The following SOX5 variants were observed in gnomAD, a reference collection of about 807,000 sequenced individuals.
SOX5 encodes SRY-box transcription factor 5, also known as transcription factor SOX-5.
In SOX5, 9 loss-of-function variants were observed where a neutral mutation model predicts 92.0. That is an observed-to-expected ratio of 0.10 (90% CI 0.06 to 0.17). The LOEUF (loss-of-function observed/expected upper bound fraction) is 0.17, where lower values mean the gene tolerates loss of function less well. SOX5 is among the 10% of genes least tolerant of loss of function. The pLI, the probability that SOX5 is intolerant of heterozygous loss-of-function variation, is 1.00. For missense variants in SOX5, 642 were observed against 944.5 expected (o/e 0.68, Z 4.20); for synonymous variants, 344 against 336.3 (o/e 1.02, Z -0.25).
At chr12:24,359,966 G>A (rs1955345880) in intron 2 of SOX5, among the ~76,000 whole-genome samples, 1 of 152,094 alleles carries the variant, frequency 6.6e-6, no homozygotes, top group Admixed American at 6.5e-5. Context: ...AAAATGAAGA[G>A]GATTAGTGGA....
chr12:23,999,291 C>T (rs1049803917), intron 4 of SOX5, among the ~76,000 whole-genome samples: 1 of 151,744 alleles, frequency 6.6e-6, no homozygotes, highest in African/African-American at 2.4e-5. Context: ...ACTGTGGTTA[C>T]CAATGGTGAA....
intron 4 of SOX5, among the ~76,000 whole-genome samples, chr12:24,133,878 T>G (rs1039975149): frequency 1.3e-5 from 2 of 152,114 alleles, no homozygotes; most frequent in Non-Finnish European, 2.9e-5. Context: ...CATTCTGATA[T>G]ATAGCACACA....
chr12:23,617,179 GAAAAATGTTA>G (rs2076669221), intron 8 of SOX5, among the ~76,000 whole-genome samples: 1 of 150,660 alleles, frequency 6.6e-6, no homozygotes, highest in African/African-American at 2.4e-5. Context: ...GCCATCAGGG[GAAAAATGTTA>G]CCAACTTCAG....
At chr12:24,295,852 C>T (rs373323576) in intron 2 of SOX5, among the ~76,000 whole-genome samples, 4 of 152,062 alleles carry the variant, frequency 2.6e-5, no homozygotes, top group Non-Finnish European at 4.4e-5. Flanking sequence ...CATGAGCCAC[C>T]GCACCTGGCC....
chr12:24,199,653 AAAG>A (rs1224380639), intron 4 of SOX5, among the ~76,000 whole-genome samples: 1 of 152,154 alleles, frequency 6.6e-6, no homozygotes, highest in African/African-American at 2.4e-5. Context: ...AAATTAGAAA[AAAG>A]GAGACAGTAC....
intron 2 of SOX5, among the ~76,000 whole-genome samples, chr12:24,360,479 A>C (rs1955417579): frequency 6.6e-6 from 1 of 152,228 alleles, no homozygotes; most frequent in African/African-American, 2.4e-5. Context: ...TAGAGGGATC[A>C]TGGCACTAGG....
At chr12:23,610,683 A>T (rs935904479) in intron 8 of SOX5, among the ~76,000 whole-genome samples, 2 of 152,284 alleles carry the variant, frequency 1.3e-5, no homozygotes, top group Non-Finnish European at 2.9e-5. Flanking sequence ...GCTCATTAGT[A>T]ATATAGATAA....
chr12:23,738,055 T>C (rs541352171), intron 5 of SOX5, among the ~76,000 whole-genome samples: 1 of 152,318 alleles, frequency 6.6e-6, no homozygotes, highest in South Asian at 2.1e-4. Flanking sequence ...TTTTTGTCTG[T>C]TTTATTTCCC....
At chr12:23,569,543 G>T (rs1947772085) in intron 10 of SOX5, among the ~76,000 whole-genome samples, 1 of 152,068 alleles carries the variant, frequency 6.6e-6, no homozygotes, top group Non-Finnish European at 1.5e-5. Context: ...CTTTCACAAG[G>T]CCTAAGAGTC....
At chr12:24,515,815 A>T (rs1195688964) in intron 1 of SOX5, among the ~76,000 whole-genome samples, 3 of 152,218 alleles carry the variant, frequency 2.0e-5, no homozygotes, top group Non-Finnish European at 4.4e-5. Context: ...CAATTGCTCA[A>T]TTACAACTGT....
chr12:23,953,926 T>C (rs1406966888), upstream of SOX5, among the ~76,000 whole-genome samples: 6 of 152,120 alleles, frequency 3.9e-5, no homozygotes. Context: ...CCATTGCAGA[T>C]ATAAAAAGGG....
intron 1 of SOX5, among the ~76,000 whole-genome samples, chr12:24,446,791 C>CA (rs1941547492): frequency 6.6e-6 from 1 of 151,950 alleles, no homozygotes; most frequent in African/African-American, 2.4e-5. Flanking sequence ...CAATTCCCCC[C>CA]AAAAAACAAT....
At chr12:24,046,250 A>C (rs2137056452) in intron 4 of SOX5, among the ~76,000 whole-genome samples, 1 of 143,680 alleles carries the variant, frequency 7.0e-6, no homozygotes, top group Admixed American at 7.1e-5. Context: ...GAATTTCTAA[A>C]AGGTAGTGAT....
At chr12:24,512,375 A>G (rs186076460) in intron 1 of SOX5, among the ~76,000 whole-genome samples, 1 of 152,376 alleles carries the variant, frequency 6.6e-6, no homozygotes, top group Admixed American at 6.5e-5. Context: ...ACAGAATCCT[A>G]TCTCCATCCC....
At chr12:23,583,873 A>C (rs758415456) in intron 9 of SOX5, among the ~76,000 whole-genome samples, 4 of 152,158 alleles carry the variant, frequency 2.6e-5, no homozygotes, top group Non-Finnish European at 4.4e-5. Context: ...TGTTAGTTCC[A>C]CTGGAAGATT....
At chr12:23,754,527 C>T (rs2094301220) in intron 4 of SOX5, among the ~76,000 whole-genome samples, 1 of 151,790 alleles carries the variant, frequency 6.6e-6, no homozygotes, top group African/African-American at 2.4e-5. Context: ...AGCACCAATT[C>T]ATTTTCTCAT....
At chr12:23,708,082 A>C (rs1391976787) in intron 6 of SOX5, among the ~76,000 whole-genome samples, 1 of 152,168 alleles carries the variant, frequency 6.6e-6, no homozygotes, top group Admixed American at 6.6e-5. Context: ...AAGTAAGTGT[A>C]ATACAAGGTA....
At chr12:24,133,057 T>C (rs1949796567) in intron 4 of SOX5, among the ~76,000 whole-genome samples, 1 of 152,228 alleles carries the variant, frequency 6.6e-6, no homozygotes, top group Admixed American at 6.5e-5. Flanking sequence ...TTAATAGTTA[T>C]ATAATATTTC....
intron 2 of SOX5, among the ~76,000 whole-genome samples, chr12:23,858,117 C>G (rs1030692814): frequency 2.0e-5 from 3 of 151,752 alleles, no homozygotes; most frequent in Non-Finnish European, 4.4e-5. Context: ...CATATATGTG[C>G]ACTTTGTTGT....
Sources: gnomAD v4.1 joint callset for allele counts (sites outside exome capture counted in the v4.1 genomes callset) on GRCh38, gnomAD v4.1.1 for gene constraint, MANE v1.5 for transcripts, NCBI Gene and HGNC (gene_info 2026-07-23, HGNC 2026-07-21) for gene names.